The following EIF4G3 variants were observed in gnomAD, a reference collection of about 807,000 sequenced individuals.
EIF4G3 encodes the protein eIF-4-gamma 3.
A neutral mutation model predicts 186.4 loss-of-function variants in EIF4G3; 34 were observed. That is an observed-to-expected ratio of 0.18 (90% confidence interval 0.14 to 0.24). The LOEUF (loss-of-function observed/expected upper bound fraction) is 0.24, where lower values mean the gene tolerates loss of function less well. Ranked by LOEUF, EIF4G3 falls within the 10% of genes least tolerant of loss-of-function variation. EIF4G3 has a pLI of 1.00. For synonymous variants in EIF4G3, 673 were observed against 679.5 expected (o/e 0.99, Z 0.15); for missense variants, 1,536 against 1,948.5 (o/e 0.79, Z 3.99).
At chr1:21,155,301 A>T (rs1263421352) in intron 2 of EIF4G3, among the ~76,000 whole-genome samples, 1 of 149,684 alleles carries the variant, frequency 6.7e-6, no homozygotes, top group Non-Finnish European at 1.5e-5. Flanking sequence ...GAAAGAAATT[A>T]TACATCAATC....
chr1:20,892,285 T>C (rs2086343096), intron 18 of EIF4G3, among the ~76,000 whole-genome samples: 1 of 152,216 alleles, frequency 6.6e-6, no homozygotes, highest in South Asian at 2.1e-4. Flanking sequence ...TTGCTCTCTA[T>C]GCCATTCTAA....
At chr1:21,038,462 A>G in intron 4 of EIF4G3, among the ~76,000 whole-genome samples, 1 of 152,054 alleles carries the variant, frequency 6.6e-6, no homozygotes. Context: ...TATCTCTACT[A>G]ATTTCTTCCC....
chr1:21,026,519 CA>C (rs35267047), intron 4 of EIF4G3, among the ~76,000 whole-genome samples: 63,712 of 135,424 alleles, frequency 0.47, 13,709 homozygotes, highest in Non-Finnish European at 0.5. Flanking sequence ...AAGGCAGAAG[CA>C]AAAAAAAAAA....
chr1:21,043,591 A>C (rs944775160), intron 4 of EIF4G3, among the ~76,000 whole-genome samples: 1 of 152,196 alleles, frequency 6.6e-6, no homozygotes, highest in African/African-American at 2.4e-5. Context: ...ACAGGACTGC[A>C]TAAAAGATTA....
rs569462285 is a variant in EIF4G3 at position 20,863,747 on chromosome 1, C to T, written c.3006+729G>A. ...GCATGAGCCACCGTGCCCGGCTGAC[C>T]CTGTTACTTAAAAAAAAAAAAGAGA... On this transcript the variant is annotated intron_variant, in intron 22 of 36. Transcript: ENST00000602326. 3.5e-4 allele frequency among the ~76,000 whole-genome samples: 50 copies of T among 142,878 alleles called. 1 individual carries two copies. The South Asian group carries it at 0.012, about 34-fold the overall frequency. 93.7% of individuals were successfully genotyped at this position (142,878 alleles called of 152,430 possible). A position where few individuals can be genotyped will look rare whatever the true frequency, so the allele number is the denominator to read the frequency against.
intron 14 of EIF4G3, among the ~76,000 whole-genome samples, chr1:20,926,383 T>C (rs1192363928): frequency 6.6e-6 from 1 of 152,210 alleles, no homozygotes; most frequent in Non-Finnish European, 1.5e-5. Flanking sequence ...ATAGCTACTA[T>C]TATTAAAATC....
intron 4 of EIF4G3, among the ~76,000 whole-genome samples, chr1:21,022,052 GT>G (rs2090850734): frequency 6.6e-6 from 1 of 152,002 alleles, no homozygotes; most frequent in Admixed American, 6.6e-5. Flanking sequence ...GAAAATTTTG[GT>G]GCAAAAATAC....
chr1:20,893,866 T>G (rs2154555843), intron 17 of EIF4G3, among the ~76,000 whole-genome samples: 1 of 149,528 alleles, frequency 6.7e-6, no homozygotes, highest in Non-Finnish European at 1.5e-5. Flanking sequence ...GGCCTTAAAT[T>G]TCCAAGTAGG....
intron 2 of EIF4G3, among the ~76,000 whole-genome samples, chr1:21,144,090 C>T (rs1040897664): frequency 4.6e-5 from 7 of 152,104 alleles, no homozygotes; most frequent in East Asian, 3.9e-4. Flanking sequence ...TTTTTTGCCC[C>T]CTTGGCTTCT....
intron 16 of EIF4G3, among the ~76,000 whole-genome samples, chr1:20,898,756 G>A (rs1050338416): frequency 6.6e-6 from 1 of 152,068 alleles, no homozygotes; most frequent in Non-Finnish European, 1.5e-5. Flanking sequence ...TTGAGATGGA[G>A]TTTCGCTCTT....
chr1:20,817,561 T>C (rs376364963), intron 33 of EIF4G3, 23 bp from the exon 34 acceptor site: 2 of 1,400,272 alleles, frequency 1.4e-6, no homozygotes, highest in Admixed American at 4.4e-5. Context: ...AGGTGGAACA[T>C]ATTAATATAT....
At chr1:20,964,481 T>C (rs1227630817) in intron 12 of EIF4G3, among the ~76,000 whole-genome samples, 1 of 152,040 alleles carries the variant, frequency 6.6e-6, no homozygotes, top group Non-Finnish European at 1.5e-5. Context: ...CCACAGAAAA[T>C]TTTAAGACTT....
intron 14 of EIF4G3, among the ~76,000 whole-genome samples, chr1:20,919,360 C>T (rs2094269724): frequency 6.6e-6 from 1 of 152,100 alleles, no homozygotes; most frequent in African/African-American, 2.4e-5. Flanking sequence ...AGGTGCATGC[C>T]ACCACACCTG....
At chr1:20,947,004 T>A (rs920006947) in intron 13 of EIF4G3, among the ~76,000 whole-genome samples, 2 of 152,146 alleles carry the variant, frequency 1.3e-5, no homozygotes, top group Non-Finnish European at 2.9e-5. Flanking sequence ...TTGAGAAAAG[T>A]CAGTTTTTAT....
chr1:21,174,628 A>C (rs1003334792), intron 2 of EIF4G3: 3 of 152,232 alleles, frequency 2.0e-5, no homozygotes, highest in Admixed American at 6.5e-5. Flanking sequence ...GACAGGTTTA[A>C]AAGATTCAAC....
rs547552574 is a variant in EIF4G3 at position 20,854,047 on chromosome 1, A to G, written c.3434-370T>C. On this transcript the variant is annotated intron_variant, in intron 26 of 36. Transcript: ENST00000602326. Reference sequence around the variant, plus strand: ...TGCATGTGGGTTTTACTGAATAATGACATTTTTTAAAATTTAAAGAAAAAA... The same window carrying G: ...TGCATGTGGGTTTTACTGAATAATGGCATTTTTTAAAATTTAAAGAAAAAA... Among the ~76,000 whole-genome samples the G allele has an allele frequency of 2.0e-5, 3 of 152,294 alleles. No individual in the cohort carries two copies. In the South Asian group the frequency reaches 6.2e-4, roughly 32 times the overall value.
intron 10 of EIF4G3, among the ~76,000 whole-genome samples, chr1:20,974,973 C>T (rs1007042113): frequency 1.3e-5 from 2 of 152,146 alleles, no homozygotes; most frequent in African/African-American, 4.8e-5. Context: ...CTTTCATTAT[C>T]ACCATCAACA....
intron 18 of EIF4G3, 139 bp from the exon 19 acceptor site, chr1:20,886,510 C>A: frequency 1.5e-6 from 1 of 681,084 alleles, no homozygotes; most frequent in Non-Finnish European, 2.3e-6. Context: ...TGGAGGTAAT[C>A]TTTTTTGGGG....
intron 4 of EIF4G3, among the ~76,000 whole-genome samples, chr1:21,023,795 T>C: frequency 1.6e-5 from 2 of 121,814 alleles, no homozygotes; most frequent in African/African-American, 3.4e-5. Flanking sequence ...CCGGCCGCCA[T>C]CCCATCTAGG....
Sources: allele counts gnomAD v4.1 joint callset (sites outside exome capture counted in the v4.1 genomes callset), GRCh38; gene constraint gnomAD v4.1.1; transcripts MANE v1.5; gene names NCBI Gene and HGNC (gene_info 2026-07-23, HGNC 2026-07-21).